TRPC7: variants seen among roughly 807,000 people sequenced by gnomAD.
TRPC7 encodes the protein transient receptor potential cation channel subfamily C member 7, also known as short transient receptor potential channel 7.
Under a neutral mutation model 90.1 loss-of-function variants are expected in TRPC7, and 42 were observed. The ratio of observed to expected loss-of-function variants is 0.47; its 90% CI spans 0.36 to 0.60. The LOEUF (loss-of-function observed/expected upper bound fraction) is 0.60. Ranked by LOEUF, TRPC7 falls within the 20% of genes least tolerant of loss-of-function variation. TRPC7 has a pLI of 0.00. For missense variants in TRPC7, 955 were observed against 1,112.3 expected (o/e 0.86, Z 2.01); for synonymous variants, 451 against 436.3 (o/e 1.03, Z -0.42).
chr5:136,344,505 A>C (rs1423597583), intron 2 of TRPC7, among the ~76,000 whole-genome samples: 1 of 152,236 alleles, frequency 6.6e-6, no homozygotes, highest in African/African-American at 2.4e-5. Flanking sequence ...GGAGAAACCT[A>C]CATGTCTAGA....
Position 136,266,428 on chromosome 5 carries a change from T to A in TRPC7, c.1137A>T (p.Arg379=). 1 of 1,613,276 alleles carries A rather than the reference T, an allele frequency of 6.2e-7. No individual in the cohort carries two copies. Among genetic ancestry groups the A allele is most frequent in the Non-Finnish European group, 8.5e-7 (1 of 1,179,480 alleles). Residue 379 remains arginine (R), a synonymous_variant, in exon 5 of 12, where the codon CGA becomes CGT. Transcript: ENST00000513104. ...ACTTCATGAAAGGGCTCCTCAGGGT[T>A]CGTCCTAGCTGGAAAGAAAATGTGT... ...YWIAPCSKLG[R]TLRSPFMKFV...
In TRPC7 at chr5:136,356,728, G is replaced by T; in HGVS notation, c.660C>A (p.Asn220Lys). 1 of 1,612,430 alleles carries T rather than the reference G, an allele frequency of 6.2e-7. No individual in the cohort carries two copies. Among genetic ancestry groups the T allele is most frequent in the Non-Finnish European group, 8.5e-7 (1 of 1,178,970 alleles). Residue 220 changes from asparagine (N) to lysine (K), a missense_variant, in exon 2 of 12, where the codon AAC becomes AAA. Asn to Lys is a moderately conservative substitution (Grantham distance 94, BLOSUM62 0). Transcript: ENST00000513104. ...CAGCACTCGCCAGTCCTTTGTAGGCGTTCATGCGCGAGCGCGAGTGGCTGA... is the reference window on the plus strand; with the variant it reads ...CAGCACTCGCCAGTCCTTTGTAGGCTTTCATGCGCGAGCGCGAGTGGCTGA... ...DSFSHSRSRM[N>K]AYKGLASAAY... is the part of the protein sequence containing the mutation.
intron 3 of TRPC7, among the ~76,000 whole-genome samples, chr5:136,308,296 A>G (rs1758712811): frequency 6.6e-6 from 1 of 152,240 alleles, no homozygotes; most frequent in Non-Finnish European, 1.5e-5. Context: ...GGAAGTGCTT[A>G]GAGGAATTCC....
chr5:136,306,499 A>C (rs915402933), intron 3 of TRPC7, among the ~76,000 whole-genome samples: 2 of 151,790 alleles, frequency 1.3e-5, no homozygotes, highest in East Asian at 3.9e-4. Flanking sequence ...ACCCCCCAAA[A>C]ATTTTTGCCA....
At position 136,251,897 on chromosome 5, in the gene TRPC7, G is replaced by A. The variant is rs890687052; in HGVS notation, c.1346-15C>T. On this transcript the variant is annotated splice_polypyrimidine_tract_variant and intron_variant, in intron 5 of 11. Transcript: ENST00000513104. ...CCAAATCATTCCTGTGGGAGAAGGAGAAGGCCAGGCTCACTTTTCGTTTCT... is the reference window on the plus strand; with the variant it reads ...CCAAATCATTCCTGTGGGAGAAGGAAAAGGCCAGGCTCACTTTTCGTTTCT... 4 of 1,606,972 alleles carry A rather than the reference G, an allele frequency of 2.5e-6. No individual in the cohort carries two copies. Among genetic ancestry groups the A allele is most frequent in the Non-Finnish European group, 2.6e-6 (3 of 1,173,634 alleles).
At chr5:136,301,678 T>A (rs1344929740) in intron 3 of TRPC7, among the ~76,000 whole-genome samples, 2 of 152,128 alleles carry the variant, frequency 1.3e-5, no homozygotes, top group African/African-American at 4.8e-5. Context: ...GCTCTTAACT[T>A]CACCGCCTAT....
At chr5:136,256,275 G>A (rs868357675) in intron 5 of TRPC7, among the ~76,000 whole-genome samples, 5 of 152,126 alleles carry the variant, frequency 3.3e-5, no homozygotes, top group Non-Finnish European at 1.5e-5. Context: ...CTCCTTAAGG[G>A]CTGCAGCTTT....
At chr5:136,214,639 T>C (rs1024697980) in intron 11 of TRPC7, among the ~76,000 whole-genome samples, 1 of 152,182 alleles carries the variant, frequency 6.6e-6, no homozygotes, top group East Asian at 1.9e-4. Context: ...GGCCTGACAC[T>C]TGGCCATTGT....
At chr5:136,334,846 A>AT (rs1353574882) in intron 2 of TRPC7, among the ~76,000 whole-genome samples, 1 of 152,206 alleles carries the variant, frequency 6.6e-6, no homozygotes. Flanking sequence ...CTACCAGGGA[A>AT]TTGATCTAGA....
intron 3 of TRPC7, among the ~76,000 whole-genome samples, chr5:136,299,133 C>A (rs1017619694): frequency 2.0e-5 from 3 of 151,954 alleles, no homozygotes; most frequent in Non-Finnish European, 4.4e-5. Flanking sequence ...GAAACCCCGT[C>A]TCTACTAAAA....
chr5:136,216,227 C>T lies in TRPC7; in HGVS notation c.2392G>A (p.Asp798Asn), dbSNP rs1329565684. The T allele has an allele frequency of 2.5e-6, 4 of 1,613,410 alleles. No individual in the cohort carries two copies. The highest frequency in any genetic ancestry group is 8.5e-7 in the Non-Finnish European group (1 of 1,179,676). The change falls in exon 11 of 12, where the codon GAC becomes AAC. Residue 798 changes from aspartate to asparagine, a missense_variant. By Grantham distance (23) the Asp-to-Asn change is conservative. Around this residue, in one of 4 missense-constraint regions of TRPC7, gnomAD observed 296 missense variants for 422.7 expected, o/e 0.70. Transcript: ENST00000513104. ...TCATTGACTTCGTCATTTTCTCTGT[C>T]CACCTGGGCTTTCAGGACGTATCTT... ...IKRYVLKAQV[D>N]RENDEVNEGE...
At chr5:136,350,500 G>T (rs1760157643) in intron 2 of TRPC7, among the ~76,000 whole-genome samples, 1 of 152,168 alleles carries the variant, frequency 6.6e-6, no homozygotes, top group Non-Finnish European at 1.5e-5. Context: ...GTGACCCAAT[G>T]AAAAGTTGTT....
At chr5:136,321,879 A>G (rs1759209608) in intron 2 of TRPC7, among the ~76,000 whole-genome samples, 1 of 152,296 alleles carries the variant, frequency 6.6e-6, no homozygotes, top group South Asian at 2.1e-4. Context: ...ATGCATCAAT[A>G]GTCAATTTTT....
At chr5:136,269,388 C>T (rs899245645) in intron 4 of TRPC7, among the ~76,000 whole-genome samples, 11 of 152,172 alleles carry the variant, frequency 7.2e-5, no homozygotes, top group South Asian at 2.1e-4. Flanking sequence ...TGGGCACCTG[C>T]GTTTACTGGT....
At chr5:136,276,362 C>T (rs1233525940) in intron 3 of TRPC7, among the ~76,000 whole-genome samples, 1 of 152,162 alleles carries the variant, frequency 6.6e-6, no homozygotes, top group Non-Finnish European at 1.5e-5. Flanking sequence ...ACTGAGTACC[C>T]TGGAACGTCA....
chr5:136,343,103 G>T (rs1295705548), intron 2 of TRPC7, among the ~76,000 whole-genome samples: 1 of 152,114 alleles, frequency 6.6e-6, no homozygotes, highest in Non-Finnish European at 1.5e-5. Flanking sequence ...AACTCCAGCT[G>T]TACTAAGGAC....
At chr5:136,295,253 C>T (rs1324089835) in intron 3 of TRPC7, among the ~76,000 whole-genome samples, 1 of 151,850 alleles carries the variant, frequency 6.6e-6, no homozygotes, top group African/African-American at 2.4e-5. Flanking sequence ...CAAACCTGCA[C>T]GTTGTGCACA....
intron 10 of TRPC7, among the ~76,000 whole-genome samples, chr5:136,224,102 G>A (rs899851435): frequency 6.6e-6 from 1 of 152,202 alleles, no homozygotes; most frequent in Non-Finnish European, 1.5e-5. Flanking sequence ...ATCTAAGTCT[G>A]TAATTCTCCC....
intron 2 of TRPC7, among the ~76,000 whole-genome samples, chr5:136,350,887 G>A (rs1041320348): frequency 5.9e-5 from 9 of 152,218 alleles, no homozygotes; most frequent in Admixed American, 5.9e-4. Flanking sequence ...TCCCTGAGGA[G>A]ATTAGGGATG....
Sources: gnomAD v4.1 joint callset for allele counts (sites outside exome capture counted in the v4.1 genomes callset) on GRCh38, gnomAD v4.1.1 for gene constraint, gnomAD v4.1.1 regional missense constraint, MANE v1.5 for transcripts, NCBI Gene and HGNC (gene_info 2026-07-23, HGNC 2026-07-21) for gene names.